The following FBXW7 variants were observed in gnomAD, a reference collection of about 807,000 sequenced individuals.
The protein encoded by FBXW7 is F-box and WD repeat domain containing 7.
In FBXW7, 11 loss-of-function variants were observed where a neutral mutation model predicts 86.3. The observed-to-expected ratio is 0.13, with a 90% CI of 0.08 to 0.21. The LOEUF (loss-of-function observed/expected upper bound fraction) is 0.21, where lower values mean the gene tolerates loss of function less well. FBXW7 is among the 10% of genes least tolerant of loss of function. The probability of loss-of-function intolerance (pLI) is 1.00; values close to 1 mark genes in which losing one functional copy is unlikely to be tolerated. For missense variants in FBXW7, 488 were observed against 847.4 expected (o/e 0.58, Z 5.27); for synonymous variants, 313 against 297.9 (o/e 1.05, Z -0.52).
rs56097215 is a variant in FBXW7, at chr4:152,535,842, G to C, written c.-928C>G. 40,193 of 390,332 alleles carry C rather than the reference G, an allele frequency of 0.1. 2,479 individuals carry two copies. Among genetic ancestry groups the C allele is most frequent in the Non-Finnish European group, 0.13 (28,168 of 220,960 alleles). 24.2% of individuals were successfully genotyped at this position (390,332 alleles called of 1,614,324 possible). A position where few individuals can be genotyped will look rare whatever the true frequency, so the allele number is the denominator to read the frequency against. On this transcript the variant is annotated 5_prime_UTR_variant, in exon 1 of 14. Transcript: ENST00000281708. Reference sequence around the variant, plus strand: ...AGGCTCGGGCTCCGGCTCTGGCTCCGGCTCCGGCGTGTGCAGCCGCCGCTG... The same window carrying C: ...AGGCTCGGGCTCCGGCTCTGGCTCCCGCTCCGGCGTGTGCAGCCGCCGCTG...
At chr4:152,431,624 TG>T (rs1739899016) in intron 2 of FBXW7, among the ~76,000 whole-genome samples, 1 of 152,152 alleles carries the variant, frequency 6.6e-6, no homozygotes, top group Non-Finnish European at 1.5e-5. Flanking sequence ...TCCAAAACAA[TG>T]GTGTCCCATA....
At chr4:152,443,523 A>G (rs889312830) in intron 2 of FBXW7, among the ~76,000 whole-genome samples, 1 of 152,208 alleles carries the variant, frequency 6.6e-6, no homozygotes, top group African/African-American at 2.4e-5. Context: ...ACACAGCCTA[A>G]AACAGGGCTT....
At chr4:152,495,778 A>T (rs1342324496) in intron 2 of FBXW7, among the ~76,000 whole-genome samples, 1 of 152,200 alleles carries the variant, frequency 6.6e-6, no homozygotes, top group Admixed American at 6.5e-5. Context: ...GGTCAATAAC[A>T]GAAGAAAAAT....
At chr4:152,509,939 T>C (rs1250583888) in intron 2 of FBXW7, among the ~76,000 whole-genome samples, 3 of 152,238 alleles carry the variant, frequency 2.0e-5, no homozygotes, top group African/African-American at 7.2e-5. Flanking sequence ...GAGCTTGTTT[T>C]AAGTCACACA....
intron 2 of FBXW7, among the ~76,000 whole-genome samples, chr4:152,436,025 T>C (rs1181195506): frequency 6.6e-6 from 1 of 152,160 alleles, no homozygotes; most frequent in Non-Finnish European, 1.5e-5. Flanking sequence ...CCCATCTTTG[T>C]CCCTCTCCTT....
At chr4:152,390,633 A>AT (rs1735918035) in intron 4 of FBXW7, among the ~76,000 whole-genome samples, 1 of 152,240 alleles carries the variant, frequency 6.6e-6, no homozygotes, top group South Asian at 2.1e-4. Flanking sequence ...AAGAAAGACA[A>AT]TAACTTCTTT....
At chr4:152,347,121 A>G (rs754374548) in intron 5 of FBXW7, 50 bp from the exon 6 acceptor site, 19 of 1,512,272 alleles carry the variant, frequency 1.3e-5, no homozygotes, top group Non-Finnish European at 1.7e-5. Context: ...GAAAAAAACA[A>G]AAGTGAAAGC....
At position 152,535,799 on chromosome 4, in the gene FBXW7, A is replaced by G. The variant is rs548066579; in HGVS notation, c.-885T>C. The G allele has an allele frequency of 6.4e-5, 25 of 390,786 alleles. No homozygotes were observed. The Admixed American group carries it at 8.5e-4, about 13-fold the overall frequency. 24.2% of individuals were successfully genotyped at this position (390,786 alleles called of 1,614,324 possible). On this transcript the variant is annotated 5_prime_UTR_variant, in exon 1 of 14. Coordinates refer to ENST00000281708, the MANE Select transcript of FBXW7 (RefSeq NM_001349798.2). ...GTGGTAGCCGCCTCCCTGCCCCCCA[A>G]GCCGCCGGCTCCGGCTCAGGCTCGG...
rs1207154555 is a variant in FBXW7 at position 152,418,124 on chromosome 4, T to C, written c.-119-5595A>G. On this transcript the variant is annotated intron_variant, in intron 2 of 13. Transcript: ENST00000281708. Reference sequence around the variant, plus strand: ...ATTTCACTCATTTAAAGAACAGCTCTTACCACACACACACACACACACACA... The same window carrying C: ...ATTTCACTCATTTAAAGAACAGCTCCTACCACACACACACACACACACACA... Among the ~76,000 whole-genome samples the C allele has an allele frequency of 2.8e-5, 4 of 144,066 alleles. No homozygotes were observed. In the East Asian group the frequency reaches 8.2e-4, roughly 30 times the overall value. 94.5% of individuals were successfully genotyped at this position (144,066 alleles called of 152,430 possible).
chr4:152,393,521 A>C (rs1032836417), intron 4 of FBXW7, among the ~76,000 whole-genome samples: 3 of 152,174 alleles, frequency 2.0e-5, no homozygotes. Context: ...GAGGTACCTC[A>C]GTATATTTAA....
At position 152,487,948 on chromosome 4, in the gene FBXW7, T is replaced by C. The variant is rs529615810; in HGVS notation, c.-120+46993A>G. 1.6e-4 allele frequency among the ~76,000 whole-genome samples: 25 copies of C among 152,130 alleles called. 1 individual carries two copies. In the East Asian group the frequency reaches 2.7e-3, roughly 16 times the overall value. On this transcript the variant is annotated intron_variant, in intron 2 of 13. Coordinates refer to ENST00000281708, the MANE Select transcript of FBXW7 (RefSeq NM_001349798.2). The stretch of plus-strand genomic sequence containing the variant: ...TTTAATGTAAATTAACAGAAGCAAA[T>C]TGGCACTTCCAAAATGATTCTAATA...
chr4:152,452,001 G>C (rs1336912634), intron 2 of FBXW7, among the ~76,000 whole-genome samples: 2 of 151,968 alleles, frequency 1.3e-5, no homozygotes, highest in Non-Finnish European at 2.9e-5. Flanking sequence ...TGTTACTTAT[G>C]TTTTTTACTC....
intron 2 of FBXW7, among the ~76,000 whole-genome samples, chr4:152,503,905 A>G (rs1747176687): frequency 6.6e-6 from 1 of 152,230 alleles, no homozygotes; most frequent in Non-Finnish European, 1.5e-5. Context: ...TTCAGTATGT[A>G]CATGCCAAAA....
At chr4:152,426,530 A>G (rs1311574397) in intron 2 of FBXW7, among the ~76,000 whole-genome samples, 1 of 152,052 alleles carries the variant, frequency 6.6e-6, no homozygotes. Flanking sequence ...TTGCATTTTT[A>G]GTAGAGACAG....
chr4:152,529,641 C>A (rs1197126495), intron 2 of FBXW7, among the ~76,000 whole-genome samples: 1 of 152,050 alleles, frequency 6.6e-6, no homozygotes, highest in Non-Finnish European at 1.5e-5. Context: ...ACTTTCTGAA[C>A]AACACATGTG....
At chr4:152,517,713 AG>A (rs1220450424) in intron 2 of FBXW7, among the ~76,000 whole-genome samples, 2 of 152,220 alleles carry the variant, frequency 1.3e-5, no homozygotes, top group Non-Finnish European at 2.9e-5. Flanking sequence ...ATACACATGA[AG>A]GACACAGAAC....
At chr4:152,370,984 G>A (rs1733959168) in intron 4 of FBXW7, among the ~76,000 whole-genome samples, 1 of 151,126 alleles carries the variant, frequency 6.6e-6, no homozygotes, top group Non-Finnish European at 1.5e-5. Flanking sequence ...CATATTTTAG[G>A]AGTAAAACAC....
intron 2 of FBXW7, among the ~76,000 whole-genome samples, chr4:152,512,492 C>A (rs1748068012): frequency 6.6e-6 from 1 of 151,990 alleles, no homozygotes; most frequent in South Asian, 2.1e-4. Flanking sequence ...CAGAAACAAC[C>A]CCAAAGTCCA....
Position 152,322,051 on chromosome 4 carries a change from A to T in FBXW7, c.*830T>A, listed in dbSNP as rs991530696. The T allele has an allele frequency of 5.2e-5, 12 of 230,494 alleles. No individual in the cohort carries two copies. The highest frequency in any genetic ancestry group is 1.8e-4 in the South Asian group (1 of 5,496). The allele number at this position is 230,494 out of a possible 1,614,324, so 14.3% of individuals were successfully genotyped here. On this transcript the variant is annotated 3_prime_UTR_variant, in exon 14 of 14. Transcript: ENST00000281708. ...TAAAACGTCACAGCAGAAAAAAAAT[A>T]AAAAAAAATAATTTGCTTTTTTCTT...
Sources: allele counts gnomAD v4.1 joint callset (sites outside exome capture counted in the v4.1 genomes callset), GRCh38; gene constraint gnomAD v4.1.1; transcripts MANE v1.5; gene names NCBI Gene and HGNC (gene_info 2026-07-23, HGNC 2026-07-21).